LPA: variants seen among roughly 807,000 people sequenced by gnomAD.
LPA encodes the protein apolipoprotein(a).
In LPA, 199 loss-of-function variants were observed where a neutral mutation model predicts 197.9. The observed-to-expected ratio is 1.01, with a 90% CI of 0.90 to 1.13. The LOEUF (loss-of-function observed/expected upper bound fraction) is 1.13. LPA is among the 50% of genes most tolerant of loss of function. The pLI, the probability that LPA is intolerant of heterozygous loss-of-function variation, is 0.00. For synonymous variants in LPA, 715 were observed against 639.5 expected, an observed-to-expected ratio of 1.12 and a Z score of -1.78; for missense variants, 1,853 against 1,785.8, an observed-to-expected ratio of 1.04 and a Z score of -0.68.
At chr6:160,661,925 G>C (rs181335623) in intron 1 of LPA, among the ~76,000 whole-genome samples, 5 of 152,162 alleles carry the variant, frequency 3.3e-5, no homozygotes, top group African/African-American at 9.7e-5. Context: ...AAATGTAGCA[G>C]AGCAGGCTAC....
chr6:160,574,106 G>A (rs2115027273), intron 28 of LPA, among the ~76,000 whole-genome samples: 1 of 152,152 alleles, frequency 6.6e-6, no homozygotes, highest in East Asian at 1.9e-4. Flanking sequence ...AAGTTCCCAG[G>A]TCACTGGAGT....
Position 160,654,384 on chromosome 6 carries a change from G to A in LPA, c.50-3887C>T, listed in dbSNP as rs183612071. 3.6e-4 allele frequency among the ~76,000 whole-genome samples: 54 copies of A among 151,626 alleles called. 1 individual carries two copies. The East Asian group carries it at 0.01, about 28-fold the overall frequency. ...TAGATGGTGTGTACCCAGATTAAGG[G>A]TGGGTCTGCCTTCCCAGCCCACTGA... On this transcript the variant is annotated intron_variant, in intron 1 of 38. Transcript: ENST00000316300.
chr6:160,606,626 T>C lies in LPA; in HGVS notation c.2636A>G (p.Asp879Gly), dbSNP rs756366151. 1 of 1,613,988 alleles carries C rather than the reference T, an allele frequency of 6.2e-7. No individual in the cohort carries two copies. Among genetic ancestry groups the C allele is most frequent in the Admixed American group, 1.7e-5 (1 of 60,012 alleles). The change falls in exon 17 of 39, where the codon GAT (aspartate) becomes GGT (glycine). Residue 879 changes from aspartate to glycine, a missense_variant. By Grantham distance (94) the Asp-to-Gly change is moderately conservative. Coordinates refer to ENST00000316300, the MANE Select transcript of LPA (RefSeq NM_005577.4). ...GLIMNYCRNP[D>G]PVAAPYCYTR... ...ATAACAATAAGGGGCTGCCACAGGA[T>C]CTGGATTCCTGCAGTAGTTCATGAT...
At chr6:160,655,385 C>T (rs1200169162) in intron 1 of LPA, among the ~76,000 whole-genome samples, 1 of 152,234 alleles carries the variant, frequency 6.6e-6, no homozygotes, top group African/African-American at 2.4e-5. Context: ...ATTGGATCTG[C>T]GGGGTCATGT....
intron 25 of LPA, 71 bp downstream of exon 25, chr6:160,586,378 A>C (rs2115039458): frequency 1.3e-6 from 2 of 1,566,892 alleles, no homozygotes; most frequent in African/African-American, 1.4e-5. Flanking sequence ...AGTTTTCTGC[A>C]TCACAAAGAT....
At chr6:160,572,289 G>A (rs943629020) in intron 28 of LPA, among the ~76,000 whole-genome samples, 6 of 143,310 alleles carry the variant, frequency 4.2e-5, no homozygotes, top group East Asian at 2.1e-4. Flanking sequence ...TTGATCTCAC[G>A]GGGAGCGGCA....
At chr6:160,655,875 CA>C (rs1324915876) in intron 1 of LPA, among the ~76,000 whole-genome samples, 1 of 152,088 alleles carries the variant, frequency 6.6e-6, no homozygotes, top group African/African-American at 2.4e-5. Context: ...GATTATGACA[CA>C]AAGCTGGAGA....
intron 37 of LPA, among the ~76,000 whole-genome samples, chr6:160,537,408 T>C (rs988146767): frequency 6.6e-6 from 1 of 152,268 alleles, no homozygotes; most frequent in African/African-American, 2.4e-5. Flanking sequence ...TAATTACAAC[T>C]TTTGTCGTTA....
At chr6:160,562,463 A>G (rs1017264467) in intron 28 of LPA, among the ~76,000 whole-genome samples, 1 of 152,148 alleles carries the variant, frequency 6.6e-6, no homozygotes, top group Admixed American at 6.5e-5. Context: ...TGCTGGATTC[A>G]GTTTGCCAGT....
rs201740563 is a variant in LPA at position 160,548,514 on chromosome 6, T to C, written c.5119A>G (p.Ile1707Val). The C allele has an allele frequency of 1.7e-4, 273 of 1,614,054 alleles. 1 individual carries two copies. Among genetic ancestry groups the C allele is most frequent in the Non-Finnish European group, 7.6e-6 (9 of 1,180,012 alleles). Reference protein sequence around the residue: ...EGTVVAPPTVIQVPSLGPPSE... With the variant: ...EGTVVAPPTVVQVPSLGPPSE... Reference sequence around the variant, plus strand: ...GGAGGCCCTAGGCTTGGAACCTGGATGACAGTCGGAGGAGCGACCACAGTC... The same window carrying C: ...GGAGGCCCTAGGCTTGGAACCTGGACGACAGTCGGAGGAGCGACCACAGTC... Residue 1707 changes from isoleucine (I) to valine (V), a missense_variant, in exon 31 of 39, where the codon ATC becomes GTC. Physicochemically the swap from Ile to Val is conservative, Grantham distance 29 (BLOSUM62 3). Around this residue, in one of 3 missense-constraint regions of LPA, gnomAD observed 1,737 missense variants for 1,504.4 expected, o/e 1.15. Coordinates refer to ENST00000316300, the MANE Select transcript of LPA (RefSeq NM_005577.4).
At chr6:160,571,654 T>C (rs1778563979) in intron 28 of LPA, among the ~76,000 whole-genome samples, 1 of 152,212 alleles carries the variant, frequency 6.6e-6, no homozygotes, top group South Asian at 2.1e-4. Flanking sequence ...TCAAACTTCC[T>C]AGCGGTTTTG....
Position 160,577,246 on chromosome 6 carries a change from T to C in LPA, c.4521A>G (p.Gly1507=), listed in dbSNP as rs763610034. ...TGGAGGATATGCCTCGATAACTCCG[T>C]CCATCACCATGGTAGCAATCCTGGA... is the stretch of plus-strand genomic sequence containing the variant. ...PVVQDCYHGD[G]RSYRGISSTT... Residue 1507 remains glycine (G), a synonymous_variant, in exon 28 of 39, where the codon GGA becomes GGG. Transcript: ENST00000316300. The C allele has an allele frequency of 7.4e-6, 12 of 1,613,890 alleles. No homozygotes were observed. In the South Asian group the frequency reaches 1.2e-4, roughly 16 times the overall value.
intron 25 of LPA, 116 bp from the exon 26 acceptor site, chr6:160,585,321 T>C: frequency 1.1e-6 from 1 of 946,204 alleles, no homozygotes; most frequent in Non-Finnish European, 1.7e-6. Context: ...TCTTCTATAT[T>C]AGCATGCAAA....
Position 160,592,421 on chromosome 6 carries a change from G to A in LPA, c.3630-1320C>T, listed in dbSNP as rs150372644. ...CAATTCTTTTCTTTTCTGATATTAT[G>A]CATTCATTTCTCTCATGGTCAGCTT... On this transcript the variant is annotated intron_variant, in intron 22 of 38. Transcript: ENST00000316300. Among the ~76,000 whole-genome samples the A allele has an allele frequency of 7.0e-4, 106 of 151,812 alleles. No individual in the cohort carries two copies. In the East Asian group the frequency reaches 0.018, roughly 26 times the overall value.
intron 20 of LPA, among the ~76,000 whole-genome samples, chr6:160,596,393 CTT>C (rs572282171): frequency 2.8e-5 from 4 of 143,296 alleles, no homozygotes; most frequent in Non-Finnish European, 3.1e-5. Flanking sequence ...CTCTTATTTG[CTT>C]TTTTTTTTTT....
At chr6:160,576,314 G>C (rs1158574936) in intron 28 of LPA, among the ~76,000 whole-genome samples, 14 of 84,776 alleles carry the variant, frequency 1.7e-4, no homozygotes, top group African/African-American at 7.4e-4. Flanking sequence ...GTTTATACCT[G>C]TATGTATGTG....
intron 1 of LPA, among the ~76,000 whole-genome samples, chr6:160,661,358 G>T (rs376286999): frequency 2.0e-5 from 3 of 152,166 alleles, no homozygotes; most frequent in Non-Finnish European, 4.4e-5. Flanking sequence ...TGAAAGCAGC[G>T]AGACTTCTAG....
At chr6:160,609,743 A>C (rs865986504) in intron 16 of LPA, among the ~76,000 whole-genome samples, 9 of 151,034 alleles carry the variant, frequency 6.0e-5, no homozygotes, top group African/African-American at 2.0e-4. Flanking sequence ...ATATTTCCCT[A>C]TTTCTTTAGG....
intron 1 of LPA, among the ~76,000 whole-genome samples, chr6:160,657,966 A>T (rs1463080079): frequency 6.6e-6 from 1 of 152,120 alleles, no homozygotes; most frequent in South Asian, 2.1e-4. Flanking sequence ...TAGCCTAGTT[A>T]TAGGTCTAGA....
Sources: gnomAD v4.1 joint callset for allele counts (sites outside exome capture counted in the v4.1 genomes callset) on GRCh38, gnomAD v4.1.1 for gene constraint, gnomAD v4.1.1 regional missense constraint, MANE v1.5 for transcripts, NCBI Gene and HGNC (gene_info 2026-07-23, HGNC 2026-07-21) for gene names.